Variants in BCR observed in about 807,000 individuals in gnomAD.
The protein encoded by BCR is BCR activator of RhoGEF and GTPase.
In BCR, 58 loss-of-function variants were observed where a neutral mutation model predicts 138.6. The observed-to-expected ratio is 0.42, with a 90% CI of 0.34 to 0.52. The LOEUF is 0.52. Ranked by LOEUF, BCR falls within the 20% of genes least tolerant of loss-of-function variation. The probability of loss-of-function intolerance (pLI) is 0.06; values close to 1 mark genes in which losing one functional copy is unlikely to be tolerated. For missense variants in BCR, 1,599 were observed against 1,727.2 expected (o/e 0.93, Z 1.32); for synonymous variants, 786 against 730.1 (o/e 1.08, Z -1.23).
At chr22:23,249,561 T>C (rs913078162) in intron 1 of BCR, among the ~76,000 whole-genome samples, 1 of 152,100 alleles carries the variant, frequency 6.6e-6, no homozygotes, top group Admixed American at 6.5e-5. Context: ...CACTTCAGCC[T>C]GGGTGACAGA....
chr22:23,314,705 C>T lies in BCR; in HGVS notation c.3717C>T (p.Val1239=). Residue 1239 remains valine (V), a synonymous_variant, in exon 22 of 23, where the codon GTC becomes GTT. Transcript: ENST00000305877. ...ITMTDSWSLE[V]MSQVQVLLYF... Reference sequence around the variant, plus strand: ...TGACTGACAGCTGGTCCTTGGAGGTCATGTCCCAGGTATGGGAAGACAGGC... The same window carrying T: ...TGACTGACAGCTGGTCCTTGGAGGTTATGTCCCAGGTATGGGAAGACAGGC... The T allele has an allele frequency of 6.2e-7, 1 of 1,611,930 alleles. No homozygotes were observed.
chr22:23,245,547 G>A (rs1404171160), intron 1 of BCR, among the ~76,000 whole-genome samples: 1 of 152,132 alleles, frequency 6.6e-6, no homozygotes, highest in Non-Finnish European at 1.5e-5. Flanking sequence ...ACTGGATGGG[G>A]CACGTCTCAT....
rs540405528 is a variant in BCR, at chr22:23,198,834, A to G, written c.1279+16595A>G. On this transcript the variant is annotated intron_variant, in intron 1 of 22. Coordinates refer to ENST00000305877, the MANE Select transcript of BCR (RefSeq NM_004327.4). Reference sequence around the variant, plus strand: ...GAGGTACTGTTAGAATTTGGCCCTAACAGGACTGGGCACAGTAGGTCACAC... The same window carrying G: ...GAGGTACTGTTAGAATTTGGCCCTAGCAGGACTGGGCACAGTAGGTCACAC... 5.9e-5 allele frequency among the ~76,000 whole-genome samples: 9 copies of G among 152,264 alleles called. 1 individual carries two copies. The South Asian group carries it at 1.9e-3, about 32-fold the overall frequency.
Position 23,289,632 on chromosome 22 carries a change from C to CT in BCR, c.2707+11_2707+12insT, listed in dbSNP as rs1361553586. ...CCATCAATAAGGAAGGTGGGCCCCC[C>CT]CGTTTCCGTGTACAGGGCACCTGCA... On this transcript the variant is annotated intron_variant, in intron 13 of 22. Transcript: ENST00000305877. 3 of 1,609,650 alleles carry CT rather than the reference C, an allele frequency of 1.9e-6. No individual in the cohort carries two copies. Among genetic ancestry groups the CT allele is most frequent in the Non-Finnish European group, 2.6e-6 (3 of 1,176,146 alleles).
At chr22:23,194,039 G>A (rs928288519) in intron 1 of BCR, among the ~76,000 whole-genome samples, 1 of 152,230 alleles carries the variant, frequency 6.6e-6, no homozygotes, top group Non-Finnish European at 1.5e-5. Flanking sequence ...TGGGCTCAGA[G>A]CCGCCGTCTG....
intron 4 of BCR, among the ~76,000 whole-genome samples, chr22:23,266,259 T>C (rs2073440151): frequency 6.6e-6 from 1 of 152,020 alleles, no homozygotes; most frequent in African/African-American, 2.4e-5. Context: ...CTAAATTTTT[T>C]TGTGTTTTTA....
At chr22:23,220,328 G>T (rs139851973) in intron 1 of BCR, among the ~76,000 whole-genome samples, 2,255 of 152,294 alleles carry the variant, frequency 0.015, 30 homozygotes, top group Non-Finnish European at 0.023. Context: ...GGGGAGGAGG[G>T]GTGAATGACT....
At chr22:23,306,694 T>G (rs1270219050) in intron 16 of BCR, 1 of 151,948 alleles carries the variant, frequency 6.6e-6, no homozygotes, top group South Asian at 2.1e-4. Context: ...GACTGCGGGG[T>G]GGGGTTTCCC....
intron 6 of BCR, 129 bp from the exon 7 acceptor site, chr22:23,272,952 G>T (rs577792521): frequency 4.2e-6 from 4 of 958,556 alleles, no homozygotes; most frequent in Non-Finnish European, 4.9e-6. Flanking sequence ...TTGTCACTGC[G>T]CAGAGGGGAG....
At chr22:23,237,795 G>C (rs1342597119) in intron 1 of BCR, among the ~76,000 whole-genome samples, 1 of 152,248 alleles carries the variant, frequency 6.6e-6, no homozygotes, top group East Asian at 1.9e-4. Flanking sequence ...GTCACCCGCT[G>C]ACCTGCAGTG....
rs781378436 is a variant in BCR at position 23,253,806 on chromosome 22, G to A, written c.1287G>A (p.Ser429=). Residue 429 remains serine, a synonymous_variant, in exon 2 of 23, where the codon TCG becomes TCA. Coordinates refer to ENST00000305877, the MANE Select transcript of BCR (RefSeq NM_004327.4). ...GCTTCTTTGCACACACAGATGGCTC[G>A]TTCGGAACACCACCTGGATACGGCT... ...EGAFHGDADG[S]FGTPPGYGCA... is the part of the protein sequence containing the mutation. The A allele has an allele frequency of 3.2e-5, 51 of 1,611,176 alleles. No homozygotes were observed. Among genetic ancestry groups the A allele is most frequent in the South Asian group, 4.4e-5 (4 of 90,966 alleles).
At chr22:23,306,997 C>T (rs1474942756) in intron 16 of BCR, among the ~76,000 whole-genome samples, 4 of 152,224 alleles carry the variant, frequency 2.6e-5, no homozygotes, top group Middle Eastern at 3.2e-3. Context: ...CTGCTTCTGC[C>T]TGTTCTGGGT....
chr22:23,205,539 C>G (rs1028937194), intron 1 of BCR, among the ~76,000 whole-genome samples: 4 of 152,130 alleles, frequency 2.6e-5, no homozygotes, highest in Admixed American at 2.6e-4. Context: ...TGCTCTATTT[C>G]TGCAAGGAGC....
At chr22:23,262,685 C>T (rs973699462) in intron 4 of BCR, 40 of 683,430 alleles carry the variant, frequency 5.9e-5, no homozygotes, top group African/African-American at 1.4e-4. Context: ...GTGGGGCCGC[C>T]GGGAATGGCG....
chr22:23,264,244 T>A, intron 4 of BCR: 20 of 984,226 alleles, frequency 2.0e-5, no homozygotes, highest in Non-Finnish European at 3.3e-5. Flanking sequence ...CCGCACACCT[T>A]CCCGCTGACG....
At chr22:23,250,078 T>TG (rs796831488) in intron 1 of BCR, among the ~76,000 whole-genome samples, 40 of 152,370 alleles carry the variant, frequency 2.6e-4, no homozygotes, top group African/African-American at 8.7e-4. Context: ...ACTTGATTCT[T>TG]GCACCAGGTT....
intron 1 of BCR, among the ~76,000 whole-genome samples, chr22:23,215,316 C>T (rs1259642244): frequency 6.6e-6 from 1 of 152,224 alleles, no homozygotes; most frequent in South Asian, 2.1e-4. Flanking sequence ...CTCTTGACCC[C>T]TTGCAAACAG....
chr22:23,228,312 T>C (rs372780531), intron 1 of BCR, among the ~76,000 whole-genome samples: 42 of 152,322 alleles, frequency 2.8e-4, no homozygotes, highest in African/African-American at 9.9e-4. Context: ...CCAAACCAGT[T>C]TCTAATTTTC....
chr22:23,242,883 G>A (rs150238191), intron 1 of BCR: 147 of 455,818 alleles, frequency 3.2e-4, no homozygotes, highest in African/African-American at 2.2e-3. Context: ...GGCTCTAGGG[G>A]AGGATCCTTC....
Sources: gnomAD v4.1 joint callset for allele counts (sites outside exome capture counted in the v4.1 genomes callset) on GRCh38, gnomAD v4.1.1 for gene constraint, MANE v1.5 for transcripts, NCBI Gene and HGNC (gene_info 2026-07-23, HGNC 2026-07-21) for gene names.